Variants in FKBP1A observed in about 807,000 individuals in gnomAD.
The protein encoded by FKBP1A is FKBP prolyl isomerase 1A.
Under a neutral mutation model 14.2 loss-of-function variants are expected in FKBP1A, and 5 were observed. That is an observed-to-expected ratio of 0.35 (90% CI 0.18 to 0.74). The LOEUF (loss-of-function observed/expected upper bound fraction) is 0.74. FKBP1A is among the 30% of genes least tolerant of loss of function. The pLI is 0.56. For synonymous variants in FKBP1A, 42 were observed against 49.1 expected (o/e 0.86, Z 0.60); for missense variants, 53 against 138.8 (o/e 0.38, Z 3.10).
At chr20:1,385,337 C>G (rs1037453123) in intron 2 of FKBP1A, among the ~76,000 whole-genome samples, 4 of 152,128 alleles carry the variant, frequency 2.6e-5, no homozygotes, top group African/African-American at 9.7e-5. Context: ...TTGCAGTGAG[C>G]CGAGATTGCA....
chr20:1,380,276 T>C (rs955086410), intron 2 of FKBP1A, among the ~76,000 whole-genome samples: 15 of 152,024 alleles, frequency 9.9e-5, no homozygotes, highest in Admixed American at 2.6e-4. Flanking sequence ...CTAGAGTCCA[T>C]AGGACACAGT....
chr20:1,388,627 C>T (rs1026414205), intron 2 of FKBP1A, among the ~76,000 whole-genome samples: 2 of 152,166 alleles, frequency 1.3e-5, no homozygotes, highest in Non-Finnish European at 2.9e-5. Flanking sequence ...GTCCACCTGG[C>T]ACCACTTCTG....
chr20:1,391,831 G>A (rs927775405), intron 2 of FKBP1A: 18 of 375,892 alleles, frequency 4.8e-5, no homozygotes, highest in African/African-American at 3.7e-4. Flanking sequence ...GGAGGAGGGG[G>A]AGGGAAGGTT....
rs1229153189 is a variant in FKBP1A at position 1,372,162 on chromosome 20, GGAT to G, written c.274_276del (p.Ile92del). ...TCGAAGACGAGAGTGGCATGTGGTG[GGAT>G]GATGCCTGGGTGCCCAGTGGCACCA... On this transcript the variant is annotated inframe_deletion, in exon 4 of 5. Transcript: ENST00000400137. 6.2e-7 allele frequency: 1 copy of G among 1,613,706 alleles called. No homozygotes were observed. Among genetic ancestry groups the G allele is most frequent in the Non-Finnish European group, 8.5e-7 (1 of 1,179,688 alleles).
At chr20:1,381,035 C>A (rs1035927908) in intron 2 of FKBP1A, among the ~76,000 whole-genome samples, 6 of 152,156 alleles carry the variant, frequency 3.9e-5, no homozygotes, top group African/African-American at 1.4e-4. Flanking sequence ...GGAAAGAAAT[C>A]TTTGTGACCT....
chr20:1,377,552 T>C (rs1425489423), intron 2 of FKBP1A: 2 of 152,198 alleles, frequency 1.3e-5, no homozygotes, highest in Non-Finnish European at 2.9e-5. Context: ...TGAACAGTTC[T>C]CTATAAATGA....
intron 4 of FKBP1A, chr20:1,371,250 T>G: frequency 1.0e-6 from 1 of 965,004 alleles, no homozygotes; most frequent in Non-Finnish European, 1.2e-6. Context: ...AAAAGTTACG[T>G]GCTACTAGGA....
Position 1,381,649 on chromosome 20 carries a change from G to T in FKBP1A, c.86-6046C>A, listed in dbSNP as rs577424897. On this transcript the variant is annotated intron_variant, in intron 2 of 4. Coordinates refer to ENST00000400137, the MANE Select transcript of FKBP1A (RefSeq NM_000801.5). ...AAATGTTCAAAGCAGATTTATTAGC[G>T]ATAGTCAAAAACTATAAACTAACCC... Among the ~76,000 whole-genome samples the T allele has an allele frequency of 1.9e-3, 286 of 152,306 alleles. 1 individual carries two copies. Among genetic ancestry groups the T allele is most frequent in the Non-Finnish European group, 3.0e-3 (207 of 68,026 alleles).
In FKBP1A at chr20:1,372,575, G is replaced by A. The variant is rs971925242; in HGVS notation, c.199-335C>T. Among the ~76,000 whole-genome samples, 22 of 152,228 alleles carry A rather than the reference G, an allele frequency of 1.4e-4. 1 individual carries two copies. The highest frequency in any genetic ancestry group is 1.1e-3 in the Admixed American group (17 of 15,264). On this transcript the variant is annotated intron_variant, in intron 3 of 4. Coordinates refer to ENST00000400137, the MANE Select transcript of FKBP1A (RefSeq NM_000801.5). ...ATGTCTCACCACCTAGTCCCCTTCA[G>A]TGATCTGTCACTTAAAGGACATGTT... is the stretch of plus-strand genomic sequence containing the variant.
intron 2 of FKBP1A, 84 bp downstream of exon 2, chr20:1,392,750 C>G: frequency 9.4e-7 from 1 of 1,063,290 alleles, no homozygotes; most frequent in South Asian, 2.3e-5. Context: ...ACCCCAGGCC[C>G]CGGGCCCCCA....
In FKBP1A at chr20:1,370,023, A is replaced by G; in HGVS notation, c.*86T>C. 2 of 1,550,200 alleles carry G rather than the reference A, an allele frequency of 1.3e-6. No homozygotes were observed. Among genetic ancestry groups the G allele is most frequent in the Non-Finnish European group, 1.7e-6 (2 of 1,146,834 alleles). ...AGTGGAACATCAGGAAAAGCTCCAT[A>G]TGGATTCATGTGCACATGTCTGGAG... On this transcript the variant is annotated 3_prime_UTR_variant, in exon 5 of 5. Coordinates refer to ENST00000400137, the MANE Select transcript of FKBP1A (RefSeq NM_000801.5).
At chr20:1,385,996 ATTT>A (rs2089665556) in intron 2 of FKBP1A, among the ~76,000 whole-genome samples, 3 of 152,166 alleles carry the variant, frequency 2.0e-5, no homozygotes, top group Non-Finnish European at 4.4e-5. Context: ...TATTAATCAT[ATTT>A]ATTATGTCTT....
chr20:1,391,562 C>A, intron 2 of FKBP1A: 1 of 397,814 alleles, frequency 2.5e-6, no homozygotes. Context: ...CGGGGAAGGG[C>A]CACAGAAATA....
intron 2 of FKBP1A, among the ~76,000 whole-genome samples, chr20:1,382,180 C>G (rs2089624547): frequency 1.3e-5 from 2 of 152,138 alleles, no homozygotes; most frequent in African/African-American, 2.4e-5. Flanking sequence ...AGCAGCTGCT[C>G]CAATTTTAAC....
At chr20:1,385,344 T>C in intron 2 of FKBP1A, among the ~76,000 whole-genome samples, 1 of 152,132 alleles carries the variant, frequency 6.6e-6, no homozygotes, top group South Asian at 2.1e-4. Context: ...GAGCCGAGAT[T>C]GCACCAGGGC....
chr20:1,377,050 C>T (rs746879843), intron 2 of FKBP1A: 6 of 152,178 alleles, frequency 3.9e-5, no homozygotes, highest in Non-Finnish European at 8.8e-5. Flanking sequence ...GGACACAAAA[C>T]TGATTTTACT....
intron 2 of FKBP1A, among the ~76,000 whole-genome samples, chr20:1,384,614 C>T (rs2122697521): frequency 6.6e-6 from 1 of 152,332 alleles, no homozygotes; most frequent in East Asian, 1.9e-4. Context: ...TTGTCTCAAT[C>T]ATGATGGGTA....
chr20:1,371,991 G>A, intron 4 of FKBP1A, 85 bp downstream of exon 4: 1 of 1,510,376 alleles, frequency 6.6e-7, no homozygotes, highest in Non-Finnish European at 8.8e-7. Flanking sequence ...GGTGTTTTTT[G>A]TTCTCTCTGC....
chr20:1,384,796 G>A (rs2089652574), intron 2 of FKBP1A, among the ~76,000 whole-genome samples: 2 of 152,160 alleles, frequency 1.3e-5, no homozygotes, highest in Non-Finnish European at 1.5e-5. Context: ...CCAACCCAAA[G>A]AGGGAACCAG....
Sources: allele counts gnomAD v4.1 joint callset (sites outside exome capture counted in the v4.1 genomes callset), GRCh38; gene constraint gnomAD v4.1.1; transcripts MANE v1.5; gene names NCBI Gene and HGNC (gene_info 2026-07-23, HGNC 2026-07-21).